The following DLGAP4 variants were observed in gnomAD, a reference collection of about 807,000 sequenced individuals.
The protein encoded by DLGAP4 is disks large-associated protein 4.
Under a neutral mutation model 86.9 loss-of-function variants are expected in DLGAP4, and 18 were observed. The ratio of observed to expected loss-of-function variants is 0.21; its 90% CI spans 0.14 to 0.31. The LOEUF is 0.31. Among genes scored for constraint, DLGAP4 ranks in the 10% least tolerant of loss-of-function variants. The pLI is 1.00. For missense variants in DLGAP4, 1,085 were observed against 1,362.6 expected (o/e 0.80, Z 3.21); for synonymous variants, 548 against 574.3 (o/e 0.95, Z 0.65).
intron 7 of DLGAP4, among the ~76,000 whole-genome samples, chr20:36,464,432 C>T (rs959388075): frequency 1.3e-5 from 2 of 152,142 alleles, no homozygotes; most frequent in Non-Finnish European, 2.9e-5. Context: ...TGGTGGCATG[C>T]GCTTGTATTC....
At chr20:36,331,499 C>T (rs765285552) in intron 1 of DLGAP4, among the ~76,000 whole-genome samples, 1 of 152,210 alleles carries the variant, frequency 6.6e-6, no homozygotes, top group Admixed American at 6.5e-5. Flanking sequence ...AGGGGTCACC[C>T]GGGCTGCTGG....
At chr20:36,368,556 C>A (rs1334524149) in intron 2 of DLGAP4, among the ~76,000 whole-genome samples, 2 of 152,202 alleles carry the variant, frequency 1.3e-5, no homozygotes, top group East Asian at 3.8e-4. Context: ...CACAACCTGG[C>A]TCTCCCGACC....
chr20:36,520,046 C>T (rs368358847), intron 10 of DLGAP4, among the ~76,000 whole-genome samples: 11 of 151,736 alleles, frequency 7.2e-5, no homozygotes, highest in African/African-American at 2.2e-4. Flanking sequence ...TACTCCACCT[C>T]GGCCTCCTAA....
intron 7 of DLGAP4, among the ~76,000 whole-genome samples, chr20:36,467,633 G>A (rs2034476000): frequency 6.6e-6 from 1 of 152,222 alleles, no homozygotes; most frequent in Non-Finnish European, 1.5e-5. Flanking sequence ...GACACAAGAG[G>A]GTGAGGTTTG....
intron 7 of DLGAP4, among the ~76,000 whole-genome samples, chr20:36,449,985 A>G (rs1459373866): frequency 6.6e-6 from 1 of 152,218 alleles, no homozygotes. Flanking sequence ...TAGCCAGGGC[A>G]TGTTCTCCTT....
At chr20:36,347,029 G>A (rs911651694) in intron 1 of DLGAP4, among the ~76,000 whole-genome samples, 1 of 152,216 alleles carries the variant, frequency 6.6e-6, no homozygotes, top group Non-Finnish European at 1.5e-5. Flanking sequence ...GGCATTTCCA[G>A]TCTTTTCCTC....
rs983943447 is a variant in DLGAP4, at chr20:36,462,045, CGTGA to C, written c.1648+15111_1648+15114del. The C allele has an allele frequency of 1.0e-5, 10 of 987,262 alleles. No individual in the cohort carries two copies. In the African/African-American group the frequency reaches 1.7e-4, roughly 17 times the overall value. The allele number at this position is 987,262 out of a possible 1,614,324, so 61.2% of individuals were successfully genotyped here. A position where few individuals can be genotyped will look rare whatever the true frequency, so the allele number is the denominator to read the frequency against. ...CCTTCCACTCTCCCCAAGGGCTCCCCGTGAGTTTCTTGCACATCCTTTGGGGGTT... is the reference window on the plus strand; with the variant it reads ...CCTTCCACTCTCCCCAAGGGCTCCCCGTTTCTTGCACATCCTTTGGGGGTT... On this transcript the variant is annotated intron_variant, in intron 7 of 12. Transcript: ENST00000339266.
intron 2 of DLGAP4, among the ~76,000 whole-genome samples, chr20:36,427,686 T>A (rs2147531133): frequency 6.6e-6 from 1 of 152,306 alleles, no homozygotes; most frequent in South Asian, 2.1e-4. Flanking sequence ...CTCACGCCTG[T>A]AATCCCAGCA....
chr20:36,472,522 A>T (rs1455746778), intron 7 of DLGAP4, among the ~76,000 whole-genome samples: 1 of 149,984 alleles, frequency 6.7e-6, no homozygotes, highest in Non-Finnish European at 1.5e-5. Context: ...AAAAAAAAAA[A>T]TCACTAGCTT....
At chr20:36,440,809 C>A (rs556339407) in intron 5 of DLGAP4, among the ~76,000 whole-genome samples, 1 of 151,938 alleles carries the variant, frequency 6.6e-6, no homozygotes, top group East Asian at 1.9e-4. Context: ...CTGGTAGTAG[C>A]AGTTAGGCAG....
chr20:36,329,123 C>T (rs981827846), intron 1 of DLGAP4, among the ~76,000 whole-genome samples: 2 of 152,040 alleles, frequency 1.3e-5, no homozygotes, highest in African/African-American at 2.4e-5. Flanking sequence ...TTGGGCAGGC[C>T]GGTCTTGAAC....
chr20:36,336,810 G>A (rs531981819), intron 1 of DLGAP4, among the ~76,000 whole-genome samples: 112 of 152,218 alleles, frequency 7.4e-4, no homozygotes, highest in Middle Eastern at 6.8e-3. Flanking sequence ...CAGAGTGGGC[G>A]TCAGTCCAGC....
At chr20:36,494,432 T>G (rs1467650287) in intron 7 of DLGAP4, among the ~76,000 whole-genome samples, 1 of 152,230 alleles carries the variant, frequency 6.6e-6, no homozygotes, top group Admixed American at 6.5e-5. Flanking sequence ...TTAAATTTTA[T>G]TTTTAGATAA....
At chr20:36,461,522 C>T in intron 7 of DLGAP4, 1 of 983,288 alleles carries the variant, frequency 1.0e-6, no homozygotes, top group Non-Finnish European at 1.2e-6. Context: ...TGAGTGCCCG[C>T]CGCTGGCCGC....
At chr20:36,402,260 G>A (rs1436286078) in intron 2 of DLGAP4, among the ~76,000 whole-genome samples, 2 of 152,080 alleles carry the variant, frequency 1.3e-5, no homozygotes, top group Admixed American at 6.6e-5. Flanking sequence ...GTCATTTGGG[G>A]TTCAAAACTC....
chr20:36,461,712 C>G, intron 7 of DLGAP4: 1 of 851,220 alleles, frequency 1.2e-6, no homozygotes. Flanking sequence ...CCTCCTCCTC[C>G]TCCTCCTCCT....
intron 1 of DLGAP4, among the ~76,000 whole-genome samples, chr20:36,320,294 C>T (rs1304133705): frequency 6.6e-6 from 1 of 151,738 alleles, no homozygotes; most frequent in Non-Finnish European, 1.5e-5. Context: ...TCTGTGTCCC[C>T]CTTCCCCAGC....
chr20:36,365,426 GT>G (rs1195461460), intron 1 of DLGAP4, among the ~76,000 whole-genome samples: 3 of 152,258 alleles, frequency 2.0e-5, no homozygotes, highest in Non-Finnish European at 4.4e-5. Flanking sequence ...GACTCAGAAT[GT>G]TTTGGGGTTT....
intron 2 of DLGAP4, among the ~76,000 whole-genome samples, chr20:36,413,557 A>G (rs2032567425): frequency 6.6e-6 from 1 of 151,014 alleles, no homozygotes; most frequent in South Asian, 2.1e-4. Context: ...GCTGGACTAC[A>G]GGTGTGTGCC....
Sources: allele counts gnomAD v4.1 joint callset (sites outside exome capture counted in the v4.1 genomes callset), GRCh38; gene constraint gnomAD v4.1.1; transcripts MANE v1.5; gene names NCBI Gene and HGNC (gene_info 2026-07-23, HGNC 2026-07-21).